The following PPP1R12B variants were observed in gnomAD, a reference collection of about 807,000 sequenced individuals.
The protein encoded by PPP1R12B is protein phosphatase 1 regulatory subunit 12B.
PPP1R12B carries 76 observed loss-of-function variants against 126.1 expected under a neutral mutation model. The observed-to-expected ratio is 0.60, with a 90% confidence interval of 0.50 to 0.73. PPP1R12B has a LOEUF of 0.73. Ranked by LOEUF, PPP1R12B falls within the 30% of genes least tolerant of loss-of-function variation. PPP1R12B has a pLI of 0.00. For missense variants in PPP1R12B, 1,052 were observed against 1,205.1 expected (o/e 0.87, Z 1.88); for synonymous variants, 356 against 434.7 (o/e 0.82, Z 2.25).
At chr1:202,532,995 G>A (rs1008348172) in intron 18 of PPP1R12B, among the ~76,000 whole-genome samples, 13 of 147,710 alleles carry the variant, frequency 8.8e-5, no homozygotes, top group East Asian at 2.1e-4. Context: ...TCAGCCTCCC[G>A]AGTAGCTGGG....
chr1:202,528,855 A>G (rs2148933438), intron 18 of PPP1R12B, among the ~76,000 whole-genome samples: 2 of 152,224 alleles, frequency 1.3e-5, no homozygotes, highest in African/African-American at 4.8e-5. Flanking sequence ...GTATACATAT[A>G]TTTGAAATCT....
chr1:202,589,739 C>G lies in PPP1R12B; in HGVS notation c.*9179C>G, dbSNP rs1175912934. ...TCCGTCTGCTGAAAGGCTCATGCCC[C>G]TCACCCTACCCAGCCTTAGGGACTG... is the stretch of plus-strand genomic sequence containing the variant. On this transcript the variant is annotated 3_prime_UTR_variant, in exon 24 of 24. Coordinates refer to ENST00000608999, the MANE Select transcript of PPP1R12B (RefSeq NM_002481.4). The G allele has an allele frequency of 6.6e-6, 1 of 152,252 alleles. No individual in the cohort carries two copies. Among genetic ancestry groups the G allele is most frequent in the Non-Finnish European group, 1.5e-5 (1 of 68,096 alleles). The allele number at this position is 152,252 out of a possible 1,614,324, so 9.4% of individuals were successfully genotyped here. A position where few individuals can be genotyped will look rare whatever the true frequency, so the allele number is the denominator to read the frequency against.
At position 202,378,359 on chromosome 1, in the gene PPP1R12B, C is replaced by T. The variant is rs375108614; in HGVS notation, c.291+29217C>T. On this transcript the variant is annotated intron_variant, in intron 1 of 23. Coordinates refer to ENST00000608999, the MANE Select transcript of PPP1R12B (RefSeq NM_002481.4). ...CTGACCCATCTCTTTCCTTTCTCTT[C>T]AAATTCTCCTTAAGGAGTAGTGTAA... is the stretch of plus-strand genomic sequence containing the variant. Among the ~76,000 whole-genome samples, 92 of 149,460 alleles carry T rather than the reference C, an allele frequency of 6.2e-4. No homozygotes were observed. In the South Asian group the frequency reaches 0.011, roughly 18 times the overall value.
chr1:202,378,223 A>G (rs1413473430), intron 1 of PPP1R12B, among the ~76,000 whole-genome samples: 1 of 148,678 alleles, frequency 6.7e-6, no homozygotes, highest in Non-Finnish European at 1.5e-5. Flanking sequence ...TCTTTTCCTT[A>G]AAATGCCTCA....
chr1:202,502,045 C>T (rs1680281543), intron 18 of PPP1R12B: 10 of 985,056 alleles, frequency 1.0e-5, no homozygotes, highest in Non-Finnish European at 1.1e-5. Flanking sequence ...ACTTTTCATA[C>T]TTTTCTTTTC....
At chr1:202,470,297 T>TAAA (rs1675669382) in intron 13 of PPP1R12B, among the ~76,000 whole-genome samples, 1 of 152,236 alleles carries the variant, frequency 6.6e-6, no homozygotes, top group Non-Finnish European at 1.5e-5. Flanking sequence ...TAGCATATAC[T>TAAA]GAGGAGTACC....
At chr1:202,578,402 T>C (rs1296259464) in intron 23 of PPP1R12B, among the ~76,000 whole-genome samples, 2 of 152,190 alleles carry the variant, frequency 1.3e-5, no homozygotes, top group African/African-American at 2.4e-5. Context: ...AAAGAGCAGA[T>C]TGAACACGGA....
intron 21 of PPP1R12B, among the ~76,000 whole-genome samples, chr1:202,566,690 T>G (rs1688081867): frequency 6.6e-6 from 1 of 152,206 alleles, no homozygotes; most frequent in Admixed American, 6.5e-5. Flanking sequence ...TTCCTTCTGC[T>G]TCATAGTAGA....
intron 10 of PPP1R12B, chr1:202,439,302 G>T (rs983502257): frequency 2.1e-6 from 3 of 1,418,616 alleles, no homozygotes; most frequent in Admixed American, 1.7e-5. Context: ...GTACAGTGAG[G>T]CCATCTCCAT....
At chr1:202,477,415 C>A (rs1676807039) in intron 13 of PPP1R12B, among the ~76,000 whole-genome samples, 1 of 152,124 alleles carries the variant, frequency 6.6e-6, no homozygotes, top group Non-Finnish European at 1.5e-5. Context: ...ATGGTACAAA[C>A]CCAGGCAGTA....
chr1:202,476,932 A>G (rs1284661322), intron 13 of PPP1R12B, among the ~76,000 whole-genome samples: 3 of 152,028 alleles, frequency 2.0e-5, no homozygotes, highest in Non-Finnish European at 2.9e-5. Context: ...AATTATGATT[A>G]TTTCTTTTTT....
At chr1:202,413,279 C>T (rs185961256) in intron 1 of PPP1R12B, among the ~76,000 whole-genome samples, 68 of 152,194 alleles carry the variant, frequency 4.5e-4, no homozygotes, top group African/African-American at 1.6e-3. Flanking sequence ...GTTAAATTTT[C>T]GTCTAAATGA....
intron 13 of PPP1R12B, among the ~76,000 whole-genome samples, chr1:202,455,056 G>T (rs1236297860): frequency 6.6e-6 from 1 of 152,126 alleles, no homozygotes; most frequent in Non-Finnish European, 1.5e-5. Flanking sequence ...GCAAACAAAA[G>T]ATCTGGCAAT....
intron 1 of PPP1R12B, among the ~76,000 whole-genome samples, chr1:202,367,406 G>A (rs2148433471): frequency 6.6e-6 from 1 of 152,192 alleles, no homozygotes; most frequent in African/African-American, 2.4e-5. Context: ...ACTAAGATGA[G>A]GATAAAAATC....
At chr1:202,353,586 T>TCTTTGTG (rs369701976) in intron 1 of PPP1R12B, among the ~76,000 whole-genome samples, 1 of 120,788 alleles carries the variant, frequency 8.3e-6, no homozygotes, top group African/African-American at 3.2e-5. Context: ...TTCTTCTTCT[T>TCTTTGTG]TGTGTGTGTG....
At chr1:202,548,758 C>A (rs866644894) in intron 18 of PPP1R12B, among the ~76,000 whole-genome samples, 1 of 145,284 alleles carries the variant, frequency 6.9e-6, no homozygotes, top group East Asian at 2.1e-4. Flanking sequence ...TGATCATGCG[C>A]TCGCTCACTC....
chr1:202,422,013 A>C (rs938166306), intron 2 of PPP1R12B, among the ~76,000 whole-genome samples: 2 of 152,212 alleles, frequency 1.3e-5, no homozygotes, highest in Admixed American at 6.5e-5. Flanking sequence ...ATGTGAAAGC[A>C]CTCTGAAAAT....
chr1:202,570,293 G>T (rs917009800), intron 23 of PPP1R12B, among the ~76,000 whole-genome samples: 1 of 151,856 alleles, frequency 6.6e-6, no homozygotes, highest in Admixed American at 6.6e-5. Context: ...TAAATAGATT[G>T]GTTATTTATT....
chr1:202,436,850 TTTTTTTTTTG>T (rs1214278764), intron 9 of PPP1R12B, among the ~76,000 whole-genome samples: 20 of 148,536 alleles, frequency 1.3e-4, no homozygotes, highest in Admixed American at 1.2e-3. Flanking sequence ...TGACCTCTAG[TTTTTTTTTTG>T]TTTTTTTTTG....
Sources: gnomAD v4.1 joint callset for allele counts (sites outside exome capture counted in the v4.1 genomes callset) on GRCh38, gnomAD v4.1.1 for gene constraint, MANE v1.5 for transcripts, NCBI Gene and HGNC (gene_info 2026-07-23, HGNC 2026-07-21) for gene names.